The following FBXW10B variants were observed in gnomAD, a reference collection of about 807,000 sequenced individuals.
The protein encoded by FBXW10B is F-box and WD repeat domain containing 10B.
the FBXW10B span, among the ~76,000 whole-genome samples, chr17:15,592,763 C>CACCCA: frequency 1.3e-5 from 2 of 151,818 alleles, no homozygotes; most frequent in Non-Finnish European, 2.9e-5. Flanking sequence ...CTTACAGAAG[C>CACCCA]GTTATGTTGC....
the FBXW10B span, among the ~76,000 whole-genome samples, chr17:15,567,503 A>AT: frequency 4.6e-5 from 7 of 152,224 alleles, no homozygotes; most frequent in African/African-American, 1.7e-4. Flanking sequence ...CATACAATAG[A>AT]TTTTTTTATT....
the FBXW10B span, chr17:15,605,471 C>T: frequency 4.4e-6 from 6 of 1,352,426 alleles, no homozygotes; most frequent in East Asian, 7.6e-5. Context: ...AGTCAGTGTC[C>T]CTCCTGGGAC....
At chr17:15,570,909 A>G in the FBXW10B span, among the ~76,000 whole-genome samples, 1 of 152,184 alleles carries the variant, frequency 6.6e-6, no homozygotes, top group East Asian at 1.9e-4. Flanking sequence ...AAAATTAAAA[A>G]CTTCTGCTCT....
chr17:15,575,855 G>C, the FBXW10B span, among the ~76,000 whole-genome samples: 1 of 152,144 alleles, frequency 6.6e-6, no homozygotes, highest in Non-Finnish European at 1.5e-5. Context: ...GCTTCCACGG[G>C]ACTTTACGTG....
the FBXW10B span, among the ~76,000 whole-genome samples, chr17:15,578,056 T>A: frequency 6.8e-6 from 1 of 147,026 alleles, no homozygotes; most frequent in African/African-American, 2.6e-5. Flanking sequence ...TAAGAGATGG[T>A]CATACAAAAG....
At chr17:15,598,401 G>C in the FBXW10B span, 48 of 1,282,682 alleles carry the variant, frequency 3.7e-5, 3 homozygotes, top group Non-Finnish European at 5.0e-5. Context: ...GGGTGGGTGG[G>C]TGGGTGGATG....
the FBXW10B span, among the ~76,000 whole-genome samples, chr17:15,585,025 C>T: frequency 1.6e-5 from 2 of 128,082 alleles, no homozygotes; most frequent in African/African-American, 2.9e-5. Flanking sequence ...AAATGTTTAT[C>T]AGCCACATTT....
chr17:15,597,734 T>C, the FBXW10B span, among the ~76,000 whole-genome samples: 4 of 151,978 alleles, frequency 2.6e-5, no homozygotes, highest in Non-Finnish European at 5.9e-5. Flanking sequence ...CAAAAGCACC[T>C]TCTTCCTCAG....
the FBXW10B span, among the ~76,000 whole-genome samples, chr17:15,568,030 G>C: frequency 6.6e-6 from 1 of 152,138 alleles, no homozygotes; most frequent in Non-Finnish European, 1.5e-5. Context: ...AAAGTAGAGT[G>C]GTGGGTTATT....
the FBXW10B span, among the ~76,000 whole-genome samples, chr17:15,587,660 A>T: frequency 1.3e-5 from 2 of 151,960 alleles, no homozygotes; most frequent in Non-Finnish European, 2.9e-5. Context: ...TTTTCCTAGA[A>T]GGGCCCTCTC....
chr17:15,585,535 C>G, the FBXW10B span, among the ~76,000 whole-genome samples: 9 of 152,138 alleles, frequency 5.9e-5, no homozygotes, highest in South Asian at 1.2e-3. Flanking sequence ...GATTAGGAAA[C>G]AAAAAGACGG....
the FBXW10B span, chr17:15,571,358 T>C: frequency 2.1e-5 from 3 of 146,204 alleles, no homozygotes; most frequent in Admixed American, 2.0e-4. Context: ...AAAAAAAAAG[T>C]GCGTAAAAGA....
chr17:15,595,060 G>T, the FBXW10B span: 1 of 530,562 alleles, frequency 1.9e-6, no homozygotes, highest in Non-Finnish European at 2.4e-6. Flanking sequence ...GGCCAATGGA[G>T]GCCGGGCGCG....
the FBXW10B span, among the ~76,000 whole-genome samples, chr17:15,604,590 A>G: frequency 6.6e-6 from 1 of 152,186 alleles, no homozygotes; most frequent in South Asian, 2.1e-4. Context: ...TCTGGAGTGC[A>G]GTGGCGCGAT....
chr17:15,599,173 C>CAAA, the FBXW10B span, among the ~76,000 whole-genome samples: 1 of 69,230 alleles, frequency 1.4e-5, no homozygotes, highest in Non-Finnish European at 2.9e-5. Context: ...GACTCTGTCT[C>CAAA]AAAAAAAAAA....
the FBXW10B span, among the ~76,000 whole-genome samples, chr17:15,594,095 T>C: frequency 6.6e-6 from 1 of 152,124 alleles, no homozygotes; most frequent in African/African-American, 2.4e-5. Context: ...TAGATGATCA[T>C]GTTTGTCTCT....
the FBXW10B span, among the ~76,000 whole-genome samples, chr17:15,592,275 G>A: frequency 6.9e-6 from 1 of 144,810 alleles, no homozygotes; most frequent in African/African-American, 2.6e-5. Context: ...TTTGGATGCT[G>A]TGAGTAAAAA....
chr17:15,609,852 C>CTTTTTTTTTTT, the FBXW10B span, among the ~76,000 whole-genome samples: 141 of 103,200 alleles, frequency 1.4e-3, no homozygotes, highest in Non-Finnish European at 1.7e-3. Flanking sequence ...TTCTTTCTTT[C>CTTTTTTTTTTT]TTTTTTTTTT....
chr17:15,605,990 A>T, the FBXW10B span, among the ~76,000 whole-genome samples: 1 of 145,776 alleles, frequency 6.9e-6, no homozygotes, highest in South Asian at 2.3e-4. Flanking sequence ...ATTATTAGCA[A>T]ATAGGTAAAG....
Sources: allele counts gnomAD v4.1 joint callset (sites outside exome capture counted in the v4.1 genomes callset), GRCh38; gene constraint gnomAD v4.1.1; transcripts MANE v1.5; gene names NCBI Gene and HGNC (gene_info 2026-07-23, HGNC 2026-07-21).